The following PLXND1 variants were observed in gnomAD, a reference collection of about 807,000 sequenced individuals.
PLXND1 encodes plexin D1, also known as plexin-D1.
Under a neutral mutation model 197.7 loss-of-function variants are expected in PLXND1, and 54 were observed. The observed-to-expected ratio is 0.27, with a 90% confidence interval of 0.22 to 0.34. The LOEUF is 0.34. PLXND1 is among the 10% of genes least tolerant of loss of function. The pLI, the probability that PLXND1 is intolerant of heterozygous loss-of-function variation, is 1.00. For synonymous variants in PLXND1, 1,180 were observed against 1,161.2 expected, an observed-to-expected ratio of 1.02 and a Z score of -0.33; for missense variants, 2,127 against 2,699.2, an observed-to-expected ratio of 0.79 and a Z score of 4.70.
At chr3:129,564,424 T>C (rs773859981) in intron 25 of PLXND1, among the ~76,000 whole-genome samples, 2 of 152,178 alleles carry the variant, frequency 1.3e-5, no homozygotes, top group Admixed American at 6.5e-5. Context: ...AGCGGGAGGA[T>C]TGCTTGAGCT....
rs2625973 is a variant in PLXND1, at chr3:129,565,975, A to T, written c.4234T>A (p.Leu1412Met). 2 of 1,613,838 alleles carry T rather than the reference A, an allele frequency of 1.2e-6. No homozygotes were observed. Among genetic ancestry groups the T allele is most frequent in the Non-Finnish European group, 8.5e-7 (1 of 1,179,810 alleles). ...CRPNMEEGIS[L>M]FSSLLNNKHF... is the part of the protein sequence containing the mutation. ...TTGTTGTTGAGTAGTGAGGAGAACA[A>T]GCTAATTCCCTCTTCCATGTTGGGC... The change falls in exon 24 of 36, where the codon TTG (leucine) becomes ATG (methionine). Residue 1412 changes from leucine to methionine, a missense_variant. Leu to Met is a conservative substitution (Grantham distance 15, BLOSUM62 2). Transcript: ENST00000324093.
intron 1 of PLXND1, among the ~76,000 whole-genome samples, chr3:129,599,183 C>T (rs972293432): frequency 2.6e-5 from 4 of 152,204 alleles, no homozygotes. Flanking sequence ...GACATGGAAC[C>T]CAGCTGGTTT....
intron 1 of PLXND1, 131 bp from the exon 2 acceptor site, chr3:129,589,658 C>G: frequency 3.9e-6 from 3 of 777,180 alleles, no homozygotes; most frequent in Non-Finnish European, 6.0e-6. Context: ...ATCCTCAGTG[C>G]TCAGCTGAGG....
rs1396684591 is a variant in PLXND1, at chr3:129,605,752, G to A, written c.888C>T (p.Tyr296=). 5 of 1,557,556 alleles carry A rather than the reference G, an allele frequency of 3.2e-6. No individual in the cohort carries two copies. Among genetic ancestry groups the A allele is most frequent in the East Asian group, 2.4e-5 (1 of 41,358 alleles). The change falls in exon 1 of 36, where the codon TAC becomes TAT. Residue 296 remains tyrosine, a synonymous_variant. Transcript: ENST00000324093. ...PSDPPPGAQS[Y]AYLALNSEAR... ...CCTCGCTGTTGAGCGCCAGGTACGC[G>A]TAGGACTGTGCACCCGGCGGCGGGT... is the stretch of plus-strand genomic sequence containing the variant.
In PLXND1 at chr3:129,556,235, A is replaced by T; in HGVS notation, c.*77T>A. 1 of 964,878 alleles carries T rather than the reference A, an allele frequency of 1.0e-6. No homozygotes were observed. The highest frequency in any genetic ancestry group is 1.7e-6 in the Non-Finnish European group (1 of 598,810). 59.8% of individuals were successfully genotyped at this position (964,878 alleles called of 1,614,324 possible). On this transcript the variant is annotated 3_prime_UTR_variant, in exon 36 of 36. Coordinates refer to ENST00000324093, the MANE Select transcript of PLXND1 (RefSeq NM_015103.3). ...GTATTTCCCAGTCTGAGTCACAGGC[A>T]CGGGGTAGAAGATCAAGTTGAGGCC...
chr3:129,565,592 TC>T, intron 24 of PLXND1, 54 bp from the exon 25 acceptor site: 1 of 1,485,354 alleles, frequency 6.7e-7, no homozygotes. Flanking sequence ...GAGCTGTGGG[TC>T]CCAGGGTCTC....
Position 129,584,231 on chromosome 3 carries a change from G to C in PLXND1, c.2032C>G (p.His678Asp), listed in dbSNP as rs747109541. 6.3e-7 allele frequency: 1 copy of C among 1,598,560 alleles called. No homozygotes were observed. The highest frequency in any genetic ancestry group is 1.3e-5 in the African/African-American group (1 of 74,818). Reference protein sequence around the residue: ...QFPPFPPNQDHVTVEMSVRVN... With the variant: ...QFPPFPPNQDDVTVEMSVRVN... ...CTCACAGACATCTCAACAGTCACGT[G>C]GTCTGGAATGGATGGGGGAGCCAGG... The change falls in exon 7 of 36, where the codon CAC becomes GAC. Residue 678 changes from histidine (H) to aspartate (D), a missense_variant and splice_region_variant. Physicochemically the swap from His to Asp is moderately conservative, Grantham distance 81. Transcript: ENST00000324093.
intron 1 of PLXND1, among the ~76,000 whole-genome samples, chr3:129,594,869 T>TAA (rs34247242): frequency 0.28 from 40,676 of 145,478 alleles, 6,283 homozygotes; most frequent in East Asian, 0.75. Flanking sequence ...GTTTATTTTG[T>TAA]AAAAAAAAAA....
rs1051043713 is a variant in PLXND1 at position 129,560,934 on chromosome 3, T to TGGG, written c.4994-214_4994-212dup. ...AATGAGACAGAGATGCAGAGACGCA[T>TGGG]GGGGAGACTGAGTCTGGGAGAGACG... On this transcript the variant is annotated intron_variant, in intron 29 of 35. Transcript: ENST00000324093. 74 of 669,118 alleles carry TGGG rather than the reference T, an allele frequency of 1.1e-4. No homozygotes were observed. The Middle Eastern group carries it at 1.9e-3, about 17-fold the overall frequency. The allele number at this position is 669,118 out of a possible 1,614,324, so 41.4% of individuals were successfully genotyped here.
chr3:129,574,597 T>C, intron 11 of PLXND1, 107 bp from the exon 12 acceptor site: 2 of 1,143,664 alleles, frequency 1.7e-6, no homozygotes, highest in South Asian at 1.6e-5. Context: ...GCCCCATCAT[T>C]GTGGTGCCCC....
rs1560063274 is a variant in PLXND1, at chr3:129,567,409, C to G, written c.4086+83G>C. The G allele has an allele frequency of 3.7e-6, 3 of 808,276 alleles. No individual in the cohort carries two copies. The South Asian group carries it at 4.5e-5, about 12-fold the overall frequency. 50.1% of individuals were successfully genotyped at this position (808,276 alleles called of 1,614,324 possible). ...CAGGTTTGGCACTGCTCAAGGGACCCTATAGGCTGGCAGGGCTCAGAGAGG... is the reference window on the plus strand; with the variant it reads ...CAGGTTTGGCACTGCTCAAGGGACCGTATAGGCTGGCAGGGCTCAGAGAGG... On this transcript the variant is annotated intron_variant, in intron 22 of 35. Coordinates refer to ENST00000324093, the MANE Select transcript of PLXND1 (RefSeq NM_015103.3).
Position 129,559,610 on chromosome 3 carries a change from C to A in PLXND1, c.5297+10G>T, listed in dbSNP as rs55727004. On this transcript the variant is annotated intron_variant, in intron 32 of 35. Coordinates refer to ENST00000324093, the MANE Select transcript of PLXND1 (RefSeq NM_015103.3). ...CACAGTGAAGTCCACACGGCCCCCCCACCCGCCACCTGTTGGTCTTCCAGA... is the reference window on the plus strand; with the variant it reads ...CACAGTGAAGTCCACACGGCCCCCCAACCCGCCACCTGTTGGTCTTCCAGA... 2.5e-6 allele frequency: 4 copies of A among 1,584,802 alleles called. No individual in the cohort carries two copies. Among genetic ancestry groups the A allele is most frequent in the South Asian group, 1.2e-5 (1 of 85,386 alleles).
At position 129,562,836 on chromosome 3, in the gene PLXND1, G is replaced by A. The variant is rs750609301; in HGVS notation, c.4776C>T (p.Cys1592=). ...GCCACTGGGAGTAGGGCACATTCTT[G>A]CAGAAGGCCTCCAGGATCTTCTCCT... ...QVKEKILEAF[C]KNVPYSQWPR... Residue 1592 remains cysteine, a synonymous_variant, in exon 27 of 36, where the codon TGC becomes TGT. Coordinates refer to ENST00000324093, the MANE Select transcript of PLXND1 (RefSeq NM_015103.3). 6.2e-7 allele frequency: 1 copy of A among 1,611,652 alleles called. No individual in the cohort carries two copies. The highest frequency in any genetic ancestry group is 2.2e-5 in the East Asian group (1 of 44,788).
In PLXND1 at chr3:129,557,354, A is replaced by C; in HGVS notation, c.5446-131T>G. On this transcript the variant is annotated intron_variant, in intron 33 of 35. Coordinates refer to ENST00000324093, the MANE Select transcript of PLXND1 (RefSeq NM_015103.3). This position sits in a 1 kb window ranked among gnomAD's most constrained non-coding sequence, Gnocchi z 4.8. Reference sequence around the variant, plus strand: ...AGGCCCCCGAGGCCCAAAGAGTCTCACCCGGTCACTGAACGTCCCCGCACT... The same window carrying C: ...AGGCCCCCGAGGCCCAAAGAGTCTCCCCCGGTCACTGAACGTCCCCGCACT... The C allele has an allele frequency of 3.0e-6, 3 of 988,156 alleles. No homozygotes were observed. Among genetic ancestry groups the C allele is most frequent in the Non-Finnish European group, 4.5e-6 (3 of 663,334 alleles). The allele number at this position is 988,156 out of a possible 1,614,324, so 61.2% of individuals were successfully genotyped here. A position where few individuals can be genotyped will look rare whatever the true frequency, so the allele number is the denominator to read the frequency against.
At position 129,565,385 on chromosome 3, in the gene PLXND1, C is replaced by A; in HGVS notation, c.4476G>T (p.Lys1492Asn). 2.5e-6 allele frequency: 4 copies of A among 1,614,164 alleles called. No homozygotes were observed. Among genetic ancestry groups the A allele is most frequent in the Non-Finnish European group, 3.4e-6 (4 of 1,180,032 alleles). ...MLRRTESVVEKMLTNWMSICM... is the reference protein window; with the variant it reads ...MLRRTESVVENMLTNWMSICM... ...AGATGGACATCCAGTTGGTGAGCAT[C>A]TTCTCCACCACAGACTCTGTGCGCC... Residue 1492 changes from lysine to asparagine, a missense_variant, in exon 25 of 36, where the codon AAG becomes AAT. Coordinates refer to ENST00000324093, the MANE Select transcript of PLXND1 (RefSeq NM_015103.3).
intron 20 of PLXND1, chr3:129,569,058 C>T (rs2085183952): frequency 6.6e-6 from 1 of 152,212 alleles, no homozygotes; most frequent in East Asian, 1.9e-4. Context: ...ATACAATATG[C>T]CTTTGGTGAG....
rs2085342563 is a variant in PLXND1 at position 129,578,374 on chromosome 3, G to A, written c.2301C>T (p.Gly767=). The A allele has an allele frequency of 2.5e-6, 4 of 1,607,518 alleles. No individual in the cohort carries two copies. In the East Asian group the frequency reaches 9.0e-5, roughly 36 times the overall value. ...LSPLAPVPTG[G]SQNILVPLAN... ...CCAGAGGCACCAGGATGTTCTGGGA[G>A]CCACCCGTAGGCACGGGTGCCAGGG... Residue 767 remains glycine, a synonymous_variant, in exon 9 of 36, where the codon GGC becomes GGT. Transcript: ENST00000324093.
chr3:129,570,572 A>T, intron 19 of PLXND1: 1 of 594,626 alleles, frequency 1.7e-6, no homozygotes, highest in African/African-American at 1.9e-5. Context: ...CCAGGTCCAG[A>T]TGGGGCCCAT....
rs767303855 is a variant in PLXND1 at position 129,571,764 on chromosome 3, C to G, written c.3158G>C (p.Arg1053Pro). 6.2e-7 allele frequency: 1 copy of G among 1,613,332 alleles called. No individual in the cohort carries two copies. The highest frequency in any genetic ancestry group is 8.5e-7 in the Non-Finnish European group (1 of 1,179,918). Residue 1053 changes from arginine (R) to proline (P), a missense_variant, in exon 16 of 36, where the codon CGT becomes CCT. By Grantham distance (103) the Arg-to-Pro change is moderately radical. Transcript: ENST00000324093. ...APVPVCVRFE[R>P]RGCVHGNLTF... ...GAGGTTGCCGTGCACGCAGCCCCGACGCTCGAAGCGCACACACACAGGCAC... is the reference window on the plus strand; with the variant it reads ...GAGGTTGCCGTGCACGCAGCCCCGAGGCTCGAAGCGCACACACACAGGCAC...
Sources: gnomAD v4.1 joint callset for allele counts (sites outside exome capture counted in the v4.1 genomes callset) on GRCh38, gnomAD v4.1.1 for gene constraint, Gnocchi (gnomAD v3.1) non-coding constraint, MANE v1.5 for transcripts, NCBI Gene and HGNC (gene_info 2026-07-23, HGNC 2026-07-21) for gene names.